MAP3K9: variants seen among roughly 807,000 people sequenced by gnomAD.
MAP3K9 encodes mixed lineage kinase 1 (tyr and ser/thr specificity).
Under a neutral mutation model 95.8 loss-of-function variants are expected in MAP3K9, and 46 were observed. The observed-to-expected ratio is 0.48, with a 90% CI of 0.38 to 0.61. The LOEUF is 0.61. Among genes scored for constraint, MAP3K9 ranks in the 20% least tolerant of loss-of-function variants. The pLI is 0.00. For synonymous variants in MAP3K9, 533 were observed against 593.8 expected, an observed-to-expected ratio of 0.90 and a Z score of 1.49; for missense variants, 1,296 against 1,474.3, an observed-to-expected ratio of 0.88 and a Z score of 1.98.
At chr14:70,791,785 T>C (rs544353859) in intron 2 of MAP3K9, among the ~76,000 whole-genome samples, 18 of 152,382 alleles carry the variant, frequency 1.2e-4, no homozygotes, top group Non-Finnish European at 2.6e-4. Flanking sequence ...CTTTACATTT[T>C]GTGCCACTTT....
intron 3 of MAP3K9, among the ~76,000 whole-genome samples, chr14:70,750,642 G>A (rs1013704450): frequency 1.3e-5 from 2 of 151,964 alleles, no homozygotes; most frequent in Non-Finnish European, 2.9e-5. Context: ...GCACCACCAC[G>A]CCCGGCTAAT....
chr14:70,807,526 T>C (rs1009301264), intron 1 of MAP3K9, among the ~76,000 whole-genome samples: 5 of 152,026 alleles, frequency 3.3e-5, no homozygotes, highest in African/African-American at 1.2e-4. Context: ...ACACAATTGC[T>C]GGGGTAAAAA....
At position 70,726,622 on chromosome 14, in the gene MAP3K9, G is replaced by A. The variant is rs1333596752; in HGVS notation, c.*3758C>T. The A allele has an allele frequency of 6.6e-6, 1 of 152,280 alleles. No homozygotes were observed. The highest frequency in any genetic ancestry group is 2.4e-5 in the African/African-American group (1 of 41,466). The allele number at this position is 152,280 out of a possible 1,614,324, so 9.4% of individuals were successfully genotyped here. A position where few individuals can be genotyped will look rare whatever the true frequency, so the allele number is the denominator to read the frequency against. On this transcript the variant is annotated 3_prime_UTR_variant, in exon 12 of 12. Transcript: ENST00000554752. ...TAGGAAAGAATGCTTGTCAACACCA[G>A]ATGCTATATAAATGCGGCAGAAGGG...
chr14:70,788,346 G>T (rs970192363), intron 2 of MAP3K9, among the ~76,000 whole-genome samples: 1 of 152,168 alleles, frequency 6.6e-6, no homozygotes, highest in Non-Finnish European at 1.5e-5. Context: ...AATTAAAATG[G>T]TCAATATACT....
rs1300227386 is a variant in MAP3K9, at chr14:70,738,481, CA to C, written c.1691-84del. Reference sequence around the variant, plus strand: ...ACTAGCCTCTATACCACCACACACACACACACATTTGGAGCTGCAGGGAAGT... The same window carrying C: ...ACTAGCCTCTATACCACCACACACACCACACATTTGGAGCTGCAGGGAAGT... On this transcript the variant is annotated intron_variant, in intron 7 of 11. Coordinates refer to ENST00000554752, the MANE Select transcript of MAP3K9 (RefSeq NM_001284230.2). The C allele has an allele frequency of 4.1e-6, 5 of 1,224,300 alleles. No homozygotes were observed. The Admixed American group carries it at 8.1e-5, about 20-fold the overall frequency. The allele number at this position is 1,224,300 out of a possible 1,614,324, so 75.8% of individuals were successfully genotyped here.
chr14:70,762,173 C>T (rs2054384948), intron 2 of MAP3K9, among the ~76,000 whole-genome samples: 1 of 152,176 alleles, frequency 6.6e-6, no homozygotes, highest in African/African-American at 2.4e-5. Flanking sequence ...GTTGTTTCCA[C>T]TTTCTGGCTA....
intron 2 of MAP3K9, among the ~76,000 whole-genome samples, chr14:70,771,049 G>GT (rs2054525295): frequency 6.6e-6 from 1 of 150,810 alleles, no homozygotes; most frequent in African/African-American, 2.5e-5. Flanking sequence ...TAAAGGGATT[G>GT]CTTTTTTTTT....
intron 3 of MAP3K9, among the ~76,000 whole-genome samples, chr14:70,753,813 A>T (rs1447575023): frequency 6.6e-6 from 1 of 152,150 alleles, no homozygotes; most frequent in Non-Finnish European, 1.5e-5. Context: ...ACCATTTCCT[A>T]GGATCAGAGG....
At chr14:70,744,061 A>T (rs532431761) in intron 5 of MAP3K9, among the ~76,000 whole-genome samples, 1 of 152,330 alleles carries the variant, frequency 6.6e-6, no homozygotes, top group Non-Finnish European at 1.5e-5. Flanking sequence ...AGGGACGTGG[A>T]TGAAGCTGGA....
At chr14:70,763,657 A>C (rs974324688) in intron 2 of MAP3K9, among the ~76,000 whole-genome samples, 2 of 151,788 alleles carry the variant, frequency 1.3e-5, no homozygotes, top group Non-Finnish European at 2.9e-5. Context: ...CAGCCTCCTG[A>C]GTAGCTGTGA....
At position 70,723,350 on chromosome 14, in the gene MAP3K9, C is replaced by T. The variant is rs1362490693; in HGVS notation, c.*7030G>A. 2 of 152,280 alleles carry T rather than the reference C, an allele frequency of 1.3e-5. No individual in the cohort carries two copies. Among genetic ancestry groups the T allele is most frequent in the Non-Finnish European group, 1.5e-5 (1 of 68,118 alleles). 9.4% of individuals were successfully genotyped at this position (152,280 alleles called of 1,614,324 possible). Reference sequence around the variant, plus strand: ...AGCTACAGAATTGACATGTCCAGCTCCTGTGTGCTTCAAACCCCTGGAGTC... The same window carrying T: ...AGCTACAGAATTGACATGTCCAGCTTCTGTGTGCTTCAAACCCCTGGAGTC... On this transcript the variant is annotated 3_prime_UTR_variant, in exon 12 of 12. Coordinates refer to ENST00000554752, the MANE Select transcript of MAP3K9 (RefSeq NM_001284230.2).
chr14:70,769,514 A>G (rs958952592), intron 2 of MAP3K9, among the ~76,000 whole-genome samples: 1 of 152,252 alleles, frequency 6.6e-6, no homozygotes, highest in Non-Finnish European at 1.5e-5. Context: ...AAATTAACAG[A>G]AACTGGGTGG....
At position 70,724,458 on chromosome 14, in the gene MAP3K9, C is replaced by A; in HGVS notation, c.*5922G>T. 1 of 152,122 alleles carries A rather than the reference C, an allele frequency of 6.6e-6. No individual in the cohort carries two copies. 9.4% of individuals were successfully genotyped at this position (152,122 alleles called of 1,614,324 possible). On this transcript the variant is annotated 3_prime_UTR_variant, in exon 12 of 12. Transcript: ENST00000554752. ...TTCACAGTGGTACCTAAGCCCCTCTCACAGGTCCAGGTGAGGGGCAGGCAG... is the reference window on the plus strand; with the variant it reads ...TTCACAGTGGTACCTAAGCCCCTCTAACAGGTCCAGGTGAGGGGCAGGCAG...
chr14:70,776,514 A>C (rs1042121832), intron 2 of MAP3K9, among the ~76,000 whole-genome samples: 1 of 152,180 alleles, frequency 6.6e-6, no homozygotes, highest in Non-Finnish European at 1.5e-5. Context: ...ATATCCAGAT[A>C]AACTATGAGG....
chr14:70,746,161 G>A (rs375210347), intron 5 of MAP3K9, among the ~76,000 whole-genome samples: 43 of 152,116 alleles, frequency 2.8e-4, no homozygotes, highest in Non-Finnish European at 5.3e-4. Flanking sequence ...CTAAGCCCTC[G>A]TCTCCTCCAT....
chr14:70,792,633 GGTGCCT>G (rs2054819041), intron 2 of MAP3K9, among the ~76,000 whole-genome samples: 2 of 152,124 alleles, frequency 1.3e-5, no homozygotes, highest in African/African-American at 4.8e-5. Context: ...CCCTGACCAG[GGTGCCT>G]GAGCCTTAGC....
intron 7 of MAP3K9, among the ~76,000 whole-genome samples, chr14:70,739,286 T>C (rs142599340): frequency 2.6e-5 from 4 of 152,298 alleles, no homozygotes; most frequent in East Asian, 1.9e-4. Flanking sequence ...GGTGCCACCA[T>C]GCCCAGCTAA....
At position 70,729,108 on chromosome 14, in the gene MAP3K9, C is replaced by A. The variant is rs2053859209; in HGVS notation, c.*1272G>T. On this transcript the variant is annotated 3_prime_UTR_variant, in exon 12 of 12. Coordinates refer to ENST00000554752, the MANE Select transcript of MAP3K9 (RefSeq NM_001284230.2). ...ATGGTCCAGAGCCCAGCATGAGGGG[C>A]TACCTGTGCACAGGCCTTGGTCAGT... 1 of 152,246 alleles carries A rather than the reference C, an allele frequency of 6.6e-6. No individual in the cohort carries two copies. Among genetic ancestry groups the A allele is most frequent in the African/African-American group, 2.4e-5 (1 of 41,448 alleles). The allele number at this position is 152,246 out of a possible 1,614,324, so 9.4% of individuals were successfully genotyped here. A position where few individuals can be genotyped will look rare whatever the true frequency, so the allele number is the denominator to read the frequency against.
intron 2 of MAP3K9, among the ~76,000 whole-genome samples, chr14:70,776,583 A>G (rs1013166912): frequency 7.2e-5 from 11 of 152,194 alleles, no homozygotes; most frequent in African/African-American, 2.2e-4. Context: ...TGAGAAAAAA[A>G]CTAATAAAGC....
Sources: gnomAD v4.1 joint callset for allele counts (sites outside exome capture counted in the v4.1 genomes callset) on GRCh38, gnomAD v4.1.1 for gene constraint, MANE v1.5 for transcripts, NCBI Gene and HGNC (gene_info 2026-07-23, HGNC 2026-07-21) for gene names.